ELP4: variants seen among roughly 807,000 people sequenced by gnomAD.
ELP4 encodes elongator complex protein 4.
ELP4 carries 51 observed loss-of-function variants against 48.9 expected under a neutral mutation model. That is an observed-to-expected ratio of 1.04 (90% CI 0.83 to 1.32). The LOEUF (loss-of-function observed/expected upper bound fraction) is 1.32. Ranked by LOEUF, ELP4 falls within the 40% of genes most tolerant of loss-of-function variation. ELP4 has a pLI of 0.00. For missense variants in ELP4, 519 were observed against 514.6 expected (o/e 1.01, Z -0.08); for synonymous variants, 210 against 189.2 (o/e 1.11, Z -0.90).
chr11:31,612,530 A>G (rs1032217905), intron 5 of ELP4, among the ~76,000 whole-genome samples: 1 of 152,168 alleles, frequency 6.6e-6, no homozygotes, highest in Non-Finnish European at 1.5e-5. Context: ...AGAAGTTTAA[A>G]CGATTAAAAA....
chr11:31,574,096 T>A (rs1957228911), intron 3 of ELP4, among the ~76,000 whole-genome samples: 2 of 152,344 alleles, frequency 1.3e-5, no homozygotes, highest in Admixed American at 6.5e-5. Context: ...AAATGAGGTA[T>A]TTTTTGTATA....
chr11:31,534,266 G>GGTGTGTGTGT (rs61054150), intron 2 of ELP4, among the ~76,000 whole-genome samples: 2,313 of 148,214 alleles, frequency 0.016, 43 homozygotes, highest in African/African-American at 0.045. Flanking sequence ...GAGGTGGATT[G>GGTGTGTGTGT]GTGTGTGTGT....
At chr11:31,763,464 C>G in intron 9 of ELP4, 1 of 1,610,886 alleles carries the variant, frequency 6.2e-7, no homozygotes, top group Non-Finnish European at 8.5e-7. Flanking sequence ...CTCCAGGCTT[C>G]TCATACTTAC....
intron 3 of ELP4, among the ~76,000 whole-genome samples, chr11:31,575,547 C>G (rs529561600): frequency 6.6e-6 from 1 of 152,184 alleles, no homozygotes; most frequent in Non-Finnish European, 1.5e-5. Context: ...AGAGAAAGGT[C>G]GGGTTACCCA....
chr11:31,743,508 C>G (rs1947507181), intron 9 of ELP4, among the ~76,000 whole-genome samples: 2 of 152,140 alleles, frequency 1.3e-5, no homozygotes, highest in Non-Finnish European at 2.9e-5. Context: ...TAAAGCATTC[C>G]TTAGCAAATG....
intron 9 of ELP4, among the ~76,000 whole-genome samples, chr11:31,672,882 G>C (rs1257387473): frequency 6.6e-6 from 1 of 152,154 alleles, no homozygotes; most frequent in Non-Finnish European, 1.5e-5. Context: ...TCACCCAAAT[G>C]ACTTCCATAT....
intron 9 of ELP4, among the ~76,000 whole-genome samples, chr11:31,672,917 G>C (rs1945838129): frequency 6.6e-6 from 1 of 152,212 alleles, no homozygotes; most frequent in African/African-American, 2.4e-5. Context: ...CTAAGTTTAA[G>C]TTGATGGTAT....
intron 9 of ELP4, among the ~76,000 whole-genome samples, chr11:31,683,531 A>C (rs1343128695): frequency 6.6e-6 from 1 of 152,202 alleles, no homozygotes; most frequent in Non-Finnish European, 1.5e-5. Context: ...GTGAAACACC[A>C]ATGAAATTTT....
intron 5 of ELP4, among the ~76,000 whole-genome samples, chr11:31,611,794 A>G (rs1957985287): frequency 6.6e-6 from 1 of 152,172 alleles, no homozygotes; most frequent in Non-Finnish European, 1.5e-5. Context: ...TTTTTTTTAA[A>G]CAAGCAAACA....
At chr11:31,534,878 A>G (rs1956473747) in intron 2 of ELP4, among the ~76,000 whole-genome samples, 1 of 152,184 alleles carries the variant, frequency 6.6e-6, no homozygotes, top group African/African-American at 2.4e-5. Flanking sequence ...ATGACTTTCT[A>G]GTTAGTTCCA....
intron 3 of ELP4, among the ~76,000 whole-genome samples, chr11:31,559,435 A>G (rs553380760): frequency 5.3e-5 from 8 of 152,208 alleles, no homozygotes; most frequent in Non-Finnish European, 1.0e-4. Context: ...TTAGATTTCA[A>G]AAACAGGGTA....
intron 9 of ELP4, among the ~76,000 whole-genome samples, chr11:31,699,133 A>G (rs760939748): frequency 4.8e-4 from 73 of 152,300 alleles, no homozygotes; most frequent in Non-Finnish European, 9.9e-4. Context: ...ACCCTAGGGA[A>G]TACTCCAAGT....
At chr11:31,511,273 A>C (rs148026064) in intron 1 of ELP4, 1 of 152,296 alleles carries the variant, frequency 6.6e-6, no homozygotes, top group East Asian at 1.9e-4. Flanking sequence ...GCCTCAGTTG[A>C]TATCCTCTTA....
At chr11:31,623,365 A>ATT (rs1944663235) in intron 5 of ELP4, among the ~76,000 whole-genome samples, 1 of 95,804 alleles carries the variant, frequency 1.0e-5, no homozygotes, top group Non-Finnish European at 2.1e-5. Flanking sequence ...ATATATATAT[A>ATT]TATATATATA....
intron 9 of ELP4, among the ~76,000 whole-genome samples, chr11:31,666,114 T>C (rs1043407578): frequency 1.5e-5 from 2 of 137,538 alleles, no homozygotes; most frequent in Admixed American, 1.6e-4. Flanking sequence ...GTTCAAGCAA[T>C]TCTCGTGCCT....
chr11:31,551,612 CT>C (rs1298802570), intron 3 of ELP4, among the ~76,000 whole-genome samples: 3 of 152,078 alleles, frequency 2.0e-5, no homozygotes, highest in African/African-American at 7.2e-5. Context: ...TCACAATACA[CT>C]TTTACCGTGA....
At chr11:31,622,042 A>G (rs544627757) in intron 5 of ELP4, among the ~76,000 whole-genome samples, 83 of 151,966 alleles carry the variant, frequency 5.5e-4, no homozygotes, top group African/African-American at 1.9e-3. Context: ...AGGTTATTCT[A>G]TTCATCGAAT....
intron 2 of ELP4, among the ~76,000 whole-genome samples, chr11:31,530,445 G>A (rs907826043): frequency 5.9e-5 from 9 of 152,126 alleles, no homozygotes; most frequent in Admixed American, 5.9e-4. Flanking sequence ...AAGGTGGGGA[G>A]GGAGTGTACA....
At chr11:31,513,843 T>C (rs1956055834) in intron 1 of ELP4, among the ~76,000 whole-genome samples, 1 of 152,220 alleles carries the variant, frequency 6.6e-6, no homozygotes, top group Non-Finnish European at 1.5e-5. Flanking sequence ...TGCAAGATCT[T>C]AAATTTTCTA....
Sources: gnomAD v4.1 joint callset for allele counts (sites outside exome capture counted in the v4.1 genomes callset) on GRCh38, gnomAD v4.1.1 for gene constraint, MANE v1.5 for transcripts, NCBI Gene and HGNC (gene_info 2026-07-23, HGNC 2026-07-21) for gene names.